Variants in FCHSD2 observed in about 807,000 individuals in gnomAD.
The protein encoded by FCHSD2 is FCH and double SH3 domains 2.
A neutral mutation model predicts 108.1 loss-of-function variants in FCHSD2; 38 were observed. The ratio of observed to expected loss-of-function variants is 0.35; its 90% confidence interval spans 0.27 to 0.46. FCHSD2 has a LOEUF of 0.46. Ranked by LOEUF, FCHSD2 falls within the 20% of genes least tolerant of loss-of-function variation. FCHSD2 has a pLI of 1.00. For synonymous variants in FCHSD2, 279 were observed against 314.7 expected, an observed-to-expected ratio of 0.89 and a Z score of 1.20; for missense variants, 751 against 897.8, an observed-to-expected ratio of 0.84 and a Z score of 2.09.
chr11:73,095,913 A>C (rs1326777819), intron 2 of FCHSD2, among the ~76,000 whole-genome samples: 2 of 151,808 alleles, frequency 1.3e-5, no homozygotes, highest in African/African-American at 2.4e-5. Context: ...TGAGGATTAA[A>C]AAAAAAAAAA....
chr11:72,903,464 C>G (rs536318914), intron 9 of FCHSD2, among the ~76,000 whole-genome samples: 1 of 152,120 alleles, frequency 6.6e-6, no homozygotes, highest in African/African-American at 2.4e-5. Context: ...CGTGATCCAC[C>G]GGCCTCGGCC....
intron 3 of FCHSD2, among the ~76,000 whole-genome samples, chr11:73,040,470 C>T (rs1395283120): frequency 6.6e-6 from 1 of 152,140 alleles, no homozygotes; most frequent in Non-Finnish European, 1.5e-5. Flanking sequence ...CAGTTTATTC[C>T]ATCCTCCTTC....
At chr11:72,880,279 A>G (rs1855057120) in intron 12 of FCHSD2, among the ~76,000 whole-genome samples, 1 of 152,164 alleles carries the variant, frequency 6.6e-6, no homozygotes, top group Non-Finnish European at 1.5e-5. Context: ...AAATCCTAAA[A>G]TTTGTATGGA....
intron 8 of FCHSD2, among the ~76,000 whole-genome samples, chr11:72,930,606 G>A (rs1187655867): frequency 1.3e-5 from 2 of 152,076 alleles, no homozygotes; most frequent in Admixed American, 6.6e-5. Flanking sequence ...TTAGCTGGGC[G>A]TGGTGGTGCC....
At chr11:73,091,930 G>A (rs574283459) in intron 2 of FCHSD2, among the ~76,000 whole-genome samples, 1 of 152,090 alleles carries the variant, frequency 6.6e-6, no homozygotes, top group South Asian at 2.1e-4. Context: ...AGCTACTCAG[G>A]AGGCTGAGGC....
At chr11:73,053,803 T>C (rs540612343) in intron 3 of FCHSD2, among the ~76,000 whole-genome samples, 4 of 152,366 alleles carry the variant, frequency 2.6e-5, no homozygotes, top group Admixed American at 6.5e-5. Flanking sequence ...TCTATATTAA[T>C]AGAAGATATC....
At chr11:72,966,708 G>A (rs1398716794) in intron 8 of FCHSD2, among the ~76,000 whole-genome samples, 1 of 152,042 alleles carries the variant, frequency 6.6e-6, no homozygotes, top group Non-Finnish European at 1.5e-5. Context: ...TTGCTTTCAT[G>A]AAGTTTATAG....
At chr11:73,030,003 T>C (rs987217649) in intron 3 of FCHSD2, among the ~76,000 whole-genome samples, 2 of 152,022 alleles carry the variant, frequency 1.3e-5, no homozygotes, top group Admixed American at 6.6e-5. Context: ...CCTTATTAGA[T>C]TCAAATGGCC....
intron 2 of FCHSD2, among the ~76,000 whole-genome samples, chr11:73,099,756 C>G (rs1213711416): frequency 6.6e-6 from 1 of 152,186 alleles, no homozygotes; most frequent in Non-Finnish European, 1.5e-5. Context: ...GCTGTTTCCC[C>G]GTGGTTTCCA....
intron 4 of FCHSD2, among the ~76,000 whole-genome samples, chr11:73,005,504 T>TA (rs1857720834): frequency 6.6e-6 from 1 of 152,232 alleles, no homozygotes; most frequent in African/African-American, 2.4e-5. Context: ...CACCAGCCAT[T>TA]CTTTAGTCTC....
chr11:72,841,340 C>CAAAAAAAAAAAAA (rs59748827), intron 18 of FCHSD2, 114 bp downstream of exon 18: 2 of 373,862 alleles, frequency 5.3e-6, no homozygotes, highest in Non-Finnish European at 4.1e-6. Context: ...ACTCTGTCTC[C>CAAAAAAAAAAAAA]AAAAAAAAAA....
chr11:73,047,561 A>G (rs1225070724), intron 3 of FCHSD2, among the ~76,000 whole-genome samples: 1 of 152,250 alleles, frequency 6.6e-6, no homozygotes, highest in African/African-American at 2.4e-5. Context: ...TAATGCAAAA[A>G]GAAATCCTGA....
At chr11:73,048,676 A>C (rs764337790) in intron 3 of FCHSD2, among the ~76,000 whole-genome samples, 2 of 152,190 alleles carry the variant, frequency 1.3e-5, no homozygotes, top group Admixed American at 6.5e-5. Flanking sequence ...ATGCCTCTTA[A>C]AGCCTCATTT....
intron 8 of FCHSD2, among the ~76,000 whole-genome samples, chr11:72,934,413 C>A (rs577644520): frequency 6.6e-6 from 1 of 151,506 alleles, no homozygotes; most frequent in East Asian, 2.0e-4. Context: ...TCACTGCAAC[C>A]TCCACCTCCT....
At chr11:72,856,186 GAC>G (rs1439995431) in intron 13 of FCHSD2, among the ~76,000 whole-genome samples, 2 of 152,180 alleles carry the variant, frequency 1.3e-5, no homozygotes, top group Non-Finnish European at 1.5e-5. Flanking sequence ...GAAAACGAAG[GAC>G]ACAGTGTCTC....
At chr11:72,897,319 T>TA (rs140771439) in intron 10 of FCHSD2, among the ~76,000 whole-genome samples, 22,634 of 124,694 alleles carry the variant, frequency 0.18, 2,034 homozygotes, top group South Asian at 0.23. Context: ...TTAAAAAGAG[T>TA]AAAAAAAAAA....
At chr11:72,845,287 G>T (rs573261273) in intron 14 of FCHSD2, among the ~76,000 whole-genome samples, 1 of 151,902 alleles carries the variant, frequency 6.6e-6, no homozygotes, top group South Asian at 2.1e-4. Flanking sequence ...TGGGTGTGGT[G>T]GCACGTGCCT....
At chr11:72,973,985 G>A (rs72981539) in intron 8 of FCHSD2, among the ~76,000 whole-genome samples, 2,132 of 148,302 alleles carry the variant, frequency 0.014, 28 homozygotes, top group Middle Eastern at 0.038. Context: ...TGCAAATGAA[G>A]GAGCAATTAA....
At chr11:73,039,121 C>A (rs1024833474) in intron 3 of FCHSD2, among the ~76,000 whole-genome samples, 1 of 152,108 alleles carries the variant, frequency 6.6e-6, no homozygotes, top group African/African-American at 2.4e-5. Context: ...CTGGAATATC[C>A]GTGTATTCCA....
Sources: gnomAD v4.1 joint callset for allele counts (sites outside exome capture counted in the v4.1 genomes callset) on GRCh38, gnomAD v4.1.1 for gene constraint, MANE v1.5 for transcripts, NCBI Gene and HGNC (gene_info 2026-07-23, HGNC 2026-07-21) for gene names.